The following MFN2 variants were observed in gnomAD, a reference collection of about 807,000 sequenced individuals.
MFN2 encodes mitofusin 2.
In MFN2, 43 loss-of-function variants were observed where a neutral mutation model predicts 87.5. The observed-to-expected ratio is 0.49, with a 90% CI of 0.38 to 0.63. The LOEUF is 0.63. Ranked by LOEUF, MFN2 falls within the 30% of genes least tolerant of loss-of-function variation. The pLI is 0.00. For synonymous variants in MFN2, 337 were observed against 359.9 expected (o/e 0.94, Z 0.72); for missense variants, 743 against 972.8 (o/e 0.76, Z 3.14).
In MFN2 at chr1:11,998,758, T is replaced by G; in HGVS notation, c.600-12T>G. 6.2e-7 allele frequency: 1 copy of G among 1,613,280 alleles called. No homozygotes were observed. The highest frequency in any genetic ancestry group is 8.5e-7 in the Non-Finnish European group (1 of 1,179,198). On this transcript the variant is annotated splice_polypyrimidine_tract_variant and intron_variant, in intron 6 of 18. Transcript: ENST00000235329. ...TCTGCCTGATGATTTGGTTTACCCC[T>G]GTCACCTTTAGCCCTGGTATTGATG... is the stretch of plus-strand genomic sequence containing the variant.
intron 14 of MFN2, 104 bp downstream of exon 14, chr1:12,005,031 T>G: frequency 1.1e-6 from 1 of 880,354 alleles, no homozygotes; most frequent in South Asian, 1.4e-5. Context: ...CTGTCACTTT[T>G]CATGATGATT....
Position 12,006,713 on chromosome 1 carries a change from CGGGAAGGTGGGGGCGGA to C in MFN2, c.1872+24_1872+40del. On this transcript the variant is annotated intron_variant, in intron 16 of 18. Coordinates refer to ENST00000235329, the MANE Select transcript of MFN2 (RefSeq NM_014874.4). Reference sequence around the variant, plus strand: ...GGAGTGGTCAGTGACCAGTTCTGCTCGGGAAGGTGGGGGCGGAGGGCAGGTGGGCGGGGCCTGAGGGC... The same window carrying C: ...GGAGTGGTCAGTGACCAGTTCTGCTCGGGCAGGTGGGCGGGGCCTGAGGGC... The C allele has an allele frequency of 1.6e-6, 2 of 1,219,488 alleles. No individual in the cohort carries two copies. Among genetic ancestry groups the C allele is most frequent in the Non-Finnish European group, 2.3e-6 (2 of 872,906 alleles). 75.5% of individuals were successfully genotyped at this position (1,219,488 alleles called of 1,614,324 possible).
At chr1:12,002,127 G>C in intron 11 of MFN2, 24 bp downstream of exon 11, 1 of 1,614,030 alleles carries the variant, frequency 6.2e-7, no homozygotes, top group Non-Finnish European at 8.5e-7. Context: ...ACTGCAGATA[G>C]GTGGAGAGAG....
rs144860227 is a variant in MFN2, at chr1:12,009,668, G to A, written c.2146G>A (p.Ala716Thr). ...GGAGAACCTGGAGCAGGAAATTGCCGCCATGAACAAGAAAATTGAGGTTCT... is the reference window on the plus strand; with the variant it reads ...GGAGAACCTGGAGCAGGAAATTGCCACCATGAACAAGAAAATTGAGGTTCT... Reference protein sequence around the residue: ...TRENLEQEIAAMNKKIEVLDS... With the variant: ...TRENLEQEIATMNKKIEVLDS... Residue 716 changes from alanine (A) to threonine (T), a missense_variant, in exon 18 of 19, where the codon GCC becomes ACC. Transcript: ENST00000235329. The A allele has an allele frequency of 2.6e-4, 425 of 1,614,182 alleles. 1 individual carries two copies. The highest frequency in any genetic ancestry group is 6.7e-4 in the African/African-American group (50 of 75,040).
At chr1:11,981,706 C>A (rs1187333428) in intron 1 of MFN2, 1 of 152,416 alleles carries the variant, frequency 6.6e-6, no homozygotes, top group Non-Finnish European at 1.5e-5. Flanking sequence ...ATGTACCTTT[C>A]CCAGGGCTCC....
Position 12,003,939 on chromosome 1 carries a change from C to A in MFN2, c.1161-53C>A. 2 of 1,613,162 alleles carry A rather than the reference C, an allele frequency of 1.2e-6. No individual in the cohort carries two copies. Among genetic ancestry groups the A allele is most frequent in the South Asian group, 2.2e-5 (2 of 91,016 alleles). ...GGGATTTCTGGCATCCCCTCTTGCT[C>A]CTCTGCTTAGTCAGACAGGAACATG... On this transcript the variant is annotated intron_variant, in intron 11 of 18. Transcript: ENST00000235329. The surrounding 1 kb of genome is among the most constrained non-coding windows in gnomAD (Gnocchi z 4.1).
chr1:12,003,532 C>T lies in MFN2; in HGVS notation c.1161-460C>T, dbSNP rs564916193. Among the ~76,000 whole-genome samples, 6 of 152,258 alleles carry T rather than the reference C, an allele frequency of 3.9e-5. No homozygotes were observed. In the East Asian group the frequency reaches 1.2e-3, roughly 29 times the overall value. On this transcript the variant is annotated intron_variant, in intron 11 of 18. Transcript: ENST00000235329. The surrounding 1 kb of genome is among the most constrained non-coding windows in gnomAD (Gnocchi z 4.1). Reference sequence around the variant, plus strand: ...ATACAAAATTAGCTGGGTGTGGTGGCGCATGCCTGTAATCCCAGCTACTCG... The same window carrying T: ...ATACAAAATTAGCTGGGTGTGGTGGTGCATGCCTGTAATCCCAGCTACTCG...
At chr1:12,001,939 C>T (rs1389475902) in intron 10 of MFN2, 43 bp from the exon 11 acceptor site, 1 of 1,613,986 alleles carries the variant, frequency 6.2e-7, no homozygotes, top group Non-Finnish European at 8.5e-7. Context: ...GGTTGTAGGC[C>T]CCTGGTGGCC....
At chr1:12,009,227 G>A (rs1215304377) in intron 17 of MFN2, among the ~76,000 whole-genome samples, 2 of 151,378 alleles carry the variant, frequency 1.3e-5, no homozygotes, top group South Asian at 2.1e-4. Flanking sequence ...GAGAGGGAGA[G>A]GGAGCGGGAG....
Position 12,001,156 on chromosome 1 carries a change from G to A in MFN2, c.817-245G>A, listed in dbSNP as rs554063249. Among the ~76,000 whole-genome samples, 141 of 152,244 alleles carry A rather than the reference G, an allele frequency of 9.3e-4. 1 individual carries two copies. The highest frequency in any genetic ancestry group is 9.1e-3 in the Admixed American group (139 of 15,284). The stretch of plus-strand genomic sequence containing the variant: ...CTCCTGAGTAGCTGGGATTACAGGC[G>A]CCTGCCACCATGCCTGGCTAATTTT... On this transcript the variant is annotated intron_variant, in intron 8 of 18. Coordinates refer to ENST00000235329, the MANE Select transcript of MFN2 (RefSeq NM_014874.4).
At chr1:11,991,590 T>C (rs1569811343) in intron 3 of MFN2, among the ~76,000 whole-genome samples, 1 of 151,832 alleles carries the variant, frequency 6.6e-6, no homozygotes, top group Non-Finnish European at 1.5e-5. Flanking sequence ...AGGCAGCGGG[T>C]GGCAAGAGGC....
In MFN2 at chr1:11,992,698, C is replaced by T. The variant is rs747730092; in HGVS notation, c.311+8C>T. 7.4e-6 allele frequency: 12 copies of T among 1,614,086 alleles called. No individual in the cohort carries two copies. The highest frequency in any genetic ancestry group is 9.3e-6 in the Non-Finnish European group (11 of 1,180,050). On this transcript the variant is annotated splice_region_variant and intron_variant, in intron 4 of 18. Transcript: ENST00000235329. ...AGTGGCTTTTTTTGGCCGGTAAGTC[C>T]TTGAGGCACCCACCCTTTCTTTCTT...
At chr1:11,994,306 T>C (rs1369792778) in intron 4 of MFN2, among the ~76,000 whole-genome samples, 1 of 152,164 alleles carries the variant, frequency 6.6e-6, no homozygotes, top group Non-Finnish European at 1.5e-5. Context: ...ACTTGTATAA[T>C]GACCAGGCAC....
chr1:12,007,241 A>G lies in MFN2; in HGVS notation c.2061A>G (p.Gln687=). The part of the protein sequence containing the change: ...ISYTGSNCSH[Q]VQQELSGTFA... ...ACACTGGCTCCAACTGCAGCCACCA[A>G]GTCCAGCAGTGAGTGGCCCTGTCGG... The change falls in exon 17 of 19, where the codon CAA becomes CAG. Residue 687 remains glutamine (Q), a synonymous_variant. Transcript: ENST00000235329. 1 of 1,613,970 alleles carries G rather than the reference A, an allele frequency of 6.2e-7. No homozygotes were observed. Among genetic ancestry groups the G allele is most frequent in the Non-Finnish European group, 8.5e-7 (1 of 1,180,004 alleles).
chr1:11,993,560 C>T (rs1023316289), intron 4 of MFN2, among the ~76,000 whole-genome samples: 1 of 151,890 alleles, frequency 6.6e-6, no homozygotes, highest in Non-Finnish European at 1.5e-5. Context: ...ACAGTGAAAC[C>T]CCATCTCTAC....
intron 2 of MFN2, among the ~76,000 whole-genome samples, chr1:11,987,311 CAAAA>C (rs78088488): frequency 7.4e-6 from 1 of 134,304 alleles, no homozygotes. Flanking sequence ...GACTCTGTCT[CAAAA>C]AAAAAAAAAA....
Position 11,985,196 on chromosome 1 carries a change from AC to A in MFN2, c.-5+3087del, listed in dbSNP as rs904141259. ...CCGCTGGTTGGTGTGTGGGGAAGAA[AC>A]CCCCTCACATTTGGTCACAGAAGTC... On this transcript the variant is annotated intron_variant, in intron 2 of 18. Transcript: ENST00000235329. 4.9e-4 allele frequency among the ~76,000 whole-genome samples: 75 copies of A among 152,034 alleles called. 1 individual carries two copies. Among genetic ancestry groups the A allele is most frequent in the Admixed American group, 9.2e-4 (14 of 15,252 alleles).
In MFN2 at chr1:12,011,660, C is replaced by T. The variant is rs1639705415; in HGVS notation, c.*95C>T. On this transcript the variant is annotated 3_prime_UTR_variant, in exon 19 of 19. Transcript: ENST00000235329. ...CCAGGGGCACGTGTGGCTCCTGCCCCCTGGCCACTGCCAAGAGAATGAAGC... is the reference window on the plus strand; with the variant it reads ...CCAGGGGCACGTGTGGCTCCTGCCCTCTGGCCACTGCCAAGAGAATGAAGC... 5 of 1,315,888 alleles carry T rather than the reference C, an allele frequency of 3.8e-6. No homozygotes were observed. The South Asian group carries it at 5.9e-5, about 16-fold the overall frequency. The allele number at this position is 1,315,888 out of a possible 1,614,324, so 81.5% of individuals were successfully genotyped here.
At chr1:11,994,018 G>A (rs1638806139) in intron 4 of MFN2, among the ~76,000 whole-genome samples, 3 of 152,186 alleles carry the variant, frequency 2.0e-5, no homozygotes, top group Admixed American at 6.5e-5. Context: ...CACAGCTGTA[G>A]TCAAAGGTGT....
Sources: allele counts gnomAD v4.1 joint callset (sites outside exome capture counted in the v4.1 genomes callset), GRCh38; gene constraint gnomAD v4.1.1; non-coding constraint Gnocchi (gnomAD v3.1); transcripts MANE v1.5; gene names NCBI Gene and HGNC (gene_info 2026-07-23, HGNC 2026-07-21).